The following PREX1 variants were observed in gnomAD, a reference collection of about 807,000 sequenced individuals.
PREX1 encodes phosphatidylinositol-3,4,5-trisphosphate dependent Rac exchange factor 1.
In PREX1, 41 loss-of-function variants were observed where a neutral mutation model predicts 198.3. The ratio of observed to expected loss-of-function variants is 0.21; its 90% CI spans 0.16 to 0.27. PREX1 has a LOEUF of 0.27. PREX1 is among the 10% of genes least tolerant of loss of function. The pLI is 1.00. For synonymous variants in PREX1, 843 were observed against 887.2 expected, an observed-to-expected ratio of 0.95 and a Z score of 0.89; for missense variants, 1,620 against 2,200.7, an observed-to-expected ratio of 0.74 and a Z score of 5.28.
At chr20:48,655,266 C>G (rs950046233) in intron 19 of PREX1, 24 bp downstream of exon 19, 19 of 1,519,770 alleles carry the variant, frequency 1.3e-5, no homozygotes, top group Non-Finnish European at 1.7e-5. Flanking sequence ...CACCTTTCCC[C>G]TCTCTCCCAA....
chr20:48,836,962 G>GACATAAAA, the PREX1 span, among the ~76,000 whole-genome samples: 1 of 147,958 alleles, frequency 6.8e-6, no homozygotes, highest in Non-Finnish European at 1.5e-5. Context: ...GGGACACAGC[G>GACATAAAA]ACATAAAAAG....
At chr20:48,700,017 T>A (rs2089865875) in intron 7 of PREX1, among the ~76,000 whole-genome samples, 1 of 152,062 alleles carries the variant, frequency 6.6e-6, no homozygotes, top group African/African-American at 2.4e-5. Context: ...CTGCGCCTCA[T>A]CCCGTGTGCC....
intron 3 of PREX1, among the ~76,000 whole-genome samples, chr20:48,737,285 G>T (rs542442841): frequency 1.7e-4 from 25 of 150,600 alleles, no homozygotes; most frequent in African/African-American, 5.6e-4. Context: ...TAGACTCGTG[G>T]GTTTAGGGAA....
At chr20:48,728,733 T>G (rs1483642241) in intron 4 of PREX1, among the ~76,000 whole-genome samples, 1 of 152,136 alleles carries the variant, frequency 6.6e-6, no homozygotes, top group Non-Finnish European at 1.5e-5. Context: ...CCCATCTTTG[T>G]CCAGGATCAA....
Position 48,734,556 on chromosome 20 carries a change from G to C in PREX1, c.509C>G (p.Ala170Gly). Residue 170 changes from alanine (A) to glycine (G), a missense_variant, in exon 4 of 40, where the codon GCC (alanine) becomes GGC (glycine). Around this residue, in one of 7 missense-constraint regions of PREX1, gnomAD observed 488 missense variants for 802.5 expected, o/e 0.61. Transcript: ENST00000371941. ...VELNKIPTVR[A>G]FLLSCMLLGG... ...GACGGGTCAACTTACCAAAAGGAAG[G>C]CGCGCACGGTAGGGATCTTGTTCAG... 6.2e-7 allele frequency: 1 copy of C among 1,614,004 alleles called. No homozygotes were observed. Among genetic ancestry groups the C allele is most frequent in the Non-Finnish European group, 8.5e-7 (1 of 1,179,900 alleles).
At chr20:48,648,463 C>A (rs891720313) in intron 25 of PREX1, among the ~76,000 whole-genome samples, 7 of 152,156 alleles carry the variant, frequency 4.6e-5, no homozygotes, top group Admixed American at 4.6e-4. Flanking sequence ...GACAGCTCCC[C>A]AACAAGGAAT....
intron 1 of PREX1, among the ~76,000 whole-genome samples, chr20:48,762,335 T>G (rs564821976): frequency 6.6e-6 from 1 of 152,288 alleles, no homozygotes; most frequent in African/African-American, 2.4e-5. Context: ...TTTGGTACCT[T>G]GACAGTTCAG....
intron 1 of PREX1, among the ~76,000 whole-genome samples, chr20:48,811,034 A>C (rs1464452382): frequency 6.6e-6 from 1 of 152,202 alleles, no homozygotes; most frequent in African/African-American, 2.4e-5. Flanking sequence ...GCCCTGCAGA[A>C]GGGGCAGCTG....
At chr20:48,835,059 G>A in the PREX1 span, among the ~76,000 whole-genome samples, 1 of 152,192 alleles carries the variant, frequency 6.6e-6, no homozygotes, top group Admixed American at 6.5e-5. Context: ...CTGGCCCTGA[G>A]CTGGAAGTTT....
At chr20:48,719,763 A>T (rs2089977523) in intron 5 of PREX1, among the ~76,000 whole-genome samples, 1 of 152,070 alleles carries the variant, frequency 6.6e-6, no homozygotes, top group African/African-American at 2.4e-5. Context: ...TCCTACCCGA[A>T]CCACTGAAGC....
chr20:48,644,203 C>T (rs760978356), intron 27 of PREX1, among the ~76,000 whole-genome samples: 8 of 152,190 alleles, frequency 5.3e-5, no homozygotes, highest in Non-Finnish European at 1.0e-4. Context: ...TTGTTTCTTT[C>T]GCTGCCGCAT....
intron 25 of PREX1, 146 bp downstream of exon 25, chr20:48,649,154 G>A: frequency 8.3e-7 from 1 of 1,202,480 alleles, no homozygotes; most frequent in Middle Eastern, 2.9e-4. Context: ...CTAGTGGATA[G>A]ACGAAAAAGA....
chr20:48,626,366 A>G (rs968281968), intron 39 of PREX1, among the ~76,000 whole-genome samples: 10 of 152,230 alleles, frequency 6.6e-5, no homozygotes, highest in Non-Finnish European at 1.0e-4. Context: ...AATGCTGCAC[A>G]TGTGGTCTGA....
chr20:48,685,257 G>A (rs144229444), intron 10 of PREX1, among the ~76,000 whole-genome samples: 39 of 152,328 alleles, frequency 2.6e-4, no homozygotes, highest in African/African-American at 9.1e-4. Context: ...ATCTGACGAT[G>A]CCAGAGGGCA....
At chr20:48,804,708 G>A (rs958285001) in intron 1 of PREX1, among the ~76,000 whole-genome samples, 1 of 152,256 alleles carries the variant, frequency 6.6e-6, no homozygotes, top group African/African-American at 2.4e-5. Flanking sequence ...CCCAGCAGGA[G>A]ACCATGGTGG....
At chr20:48,688,935 C>G in intron 9 of PREX1, 131 bp from the exon 10 acceptor site, 1 of 1,046,470 alleles carries the variant, frequency 9.6e-7, no homozygotes, top group Non-Finnish European at 1.4e-6. Flanking sequence ...CCCTCCACCA[C>G]CACCACGCCA....
chr20:48,628,003 G>T (rs1184118251), intron 37 of PREX1, 40 bp from the exon 38 acceptor site: 2 of 1,252,110 alleles, frequency 1.6e-6, no homozygotes, highest in Non-Finnish European at 2.3e-6. Context: ...GGCGGTGGGG[G>T]GACAGGGGTC....
chr20:48,681,001 G>A (rs6095239), intron 11 of PREX1, among the ~76,000 whole-genome samples: 58,808 of 151,998 alleles, frequency 0.39, 12,003 homozygotes, highest in South Asian at 0.53. Flanking sequence ...TTCTTGAAGG[G>A]ACAGATAAAA....
intron 1 of PREX1, among the ~76,000 whole-genome samples, chr20:48,793,996 A>C (rs984000907): frequency 2.0e-5 from 3 of 152,150 alleles, no homozygotes; most frequent in Admixed American, 2.0e-4. Flanking sequence ...CCCCTTACTC[A>C]CCAGGCAGAA....
Sources: allele counts gnomAD v4.1 joint callset (sites outside exome capture counted in the v4.1 genomes callset), GRCh38; gene constraint gnomAD v4.1.1; regional missense constraint gnomAD v4.1.1; transcripts MANE v1.5; gene names NCBI Gene and HGNC (gene_info 2026-07-23, HGNC 2026-07-21).